NDEL1: variants seen among roughly 807,000 people sequenced by gnomAD.
NDEL1 encodes nuclear distribution protein nudE-like 1.
A neutral mutation model predicts 45.7 loss-of-function variants in NDEL1; 9 were observed. The ratio of observed to expected loss-of-function variants is 0.20; its 90% CI spans 0.12 to 0.34. The LOEUF is 0.34. Ranked by LOEUF, NDEL1 falls within the 10% of genes least tolerant of loss-of-function variation. The pLI is 1.00. For synonymous variants in NDEL1, 133 were observed against 158.6 expected (o/e 0.84, Z 1.21); for missense variants, 306 against 406.2 (o/e 0.75, Z 2.12).
intron 1 of NDEL1, among the ~76,000 whole-genome samples, chr17:8,421,439 C>A (rs976426495): frequency 5.3e-5 from 8 of 152,062 alleles, no homozygotes; most frequent in Non-Finnish European, 1.2e-4. Context: ...TCAGAGAAGG[C>A]AATATGATGA....
upstream of NDEL1, among the ~76,000 whole-genome samples, chr17:8,432,552 T>C (rs1909043891): frequency 2.0e-5 from 3 of 151,136 alleles, no homozygotes; most frequent in Non-Finnish European, 4.4e-5. Flanking sequence ...ACCCAGCTAA[T>C]TTTTTGGATT....
chr17:8,463,209 C>T (rs1911332608), intron 8 of NDEL1: 3 of 733,816 alleles, frequency 4.1e-6, no homozygotes, highest in Admixed American at 5.5e-5. Flanking sequence ...TTTTTGTAAG[C>T]CACTCTGAGT....
chr17:8,439,035 G>A (rs1317719191), intron 1 of NDEL1, among the ~76,000 whole-genome samples: 3 of 150,844 alleles, frequency 2.0e-5, no homozygotes, highest in Non-Finnish European at 4.4e-5. Context: ...TCTGCCTCCC[G>A]GGTTCACGCC....
At position 8,446,766 on chromosome 17, in the gene NDEL1, C is replaced by T. The variant is rs780441418; in HGVS notation, c.253C>T (p.His85Tyr). 1.9e-6 allele frequency: 3 copies of T among 1,613,988 alleles called. No homozygotes were observed. The Admixed American group carries it at 5.0e-5, about 27-fold the overall frequency. Reference sequence around the variant, plus strand: ...CTGATGCCCTCAGGAGAAGCTAGAGCATCAATATGCACAGAGCTATAAGCA... The same window carrying T: ...CTGATGCCCTCAGGAGAAGCTAGAGTATCAATATGCACAGAGCTATAAGCA... ...EVEALKEKLEHQYAQSYKQVS... is the reference protein window; with the variant it reads ...EVEALKEKLEYQYAQSYKQVS... The change falls in exon 4 of 9, where the codon CAT (histidine) becomes TAT (tyrosine). Residue 85 changes from histidine to tyrosine, a missense_variant. Physicochemically the swap from His to Tyr is moderately conservative, Grantham distance 83. Coordinates refer to ENST00000334527, the MANE Select transcript of NDEL1 (RefSeq NM_030808.5).
chr17:8,443,105 T>A (rs1465765180), intron 1 of NDEL1, among the ~76,000 whole-genome samples: 2 of 152,222 alleles, frequency 1.3e-5, no homozygotes, highest in African/African-American at 4.8e-5. Flanking sequence ...AAGCTGGTCT[T>A]GAGTTCTTGC....
At position 8,446,915 on chromosome 17, in the gene NDEL1, C is replaced by A. The variant is rs368946232; in HGVS notation, c.389+13C>A. 2 of 1,611,684 alleles carry A rather than the reference C, an allele frequency of 1.2e-6. No homozygotes were observed. Among genetic ancestry groups the A allele is most frequent in the Admixed American group, 1.7e-5 (1 of 59,694 alleles). On this transcript the variant is annotated intron_variant, in intron 4 of 8. Transcript: ENST00000334527. ...AGCGAGCCAAAAGGTAAACGAATGACTGCATTTTGTTAGAAAAAAACCACC... is the reference window on the plus strand; with the variant it reads ...AGCGAGCCAAAAGGTAAACGAATGAATGCATTTTGTTAGAAAAAAACCACC...
At chr17:8,437,099 G>A (rs1909401342) in intron 1 of NDEL1, among the ~76,000 whole-genome samples, 1 of 152,212 alleles carries the variant, frequency 6.6e-6, no homozygotes, top group Non-Finnish European at 1.5e-5. Flanking sequence ...AAATCTTCCT[G>A]TGAAGCTTGT....
intron 8 of NDEL1, among the ~76,000 whole-genome samples, chr17:8,461,585 A>C (rs1406951854): frequency 2.6e-5 from 4 of 152,180 alleles, no homozygotes; most frequent in African/African-American, 9.7e-5. Flanking sequence ...CCTCGGGTGG[A>C]GTAAACATAA....
intron 1 of NDEL1, among the ~76,000 whole-genome samples, chr17:8,414,836 T>C (rs927839567): frequency 2.0e-5 from 3 of 152,062 alleles, no homozygotes; most frequent in Non-Finnish European, 2.9e-5. Context: ...AGTTTTTAGA[T>C]ACATATCACT....
intron 6 of NDEL1, among the ~76,000 whole-genome samples, chr17:8,452,078 T>C (rs1910538547): frequency 6.6e-6 from 1 of 152,222 alleles, no homozygotes; most frequent in Non-Finnish European, 1.5e-5. Flanking sequence ...GCTGTATGGT[T>C]GTAAGGTGTT....
At chr17:8,463,831 C>T (rs1051129186) in intron 8 of NDEL1, among the ~76,000 whole-genome samples, 74 of 152,200 alleles carry the variant, frequency 4.9e-4, no homozygotes, top group Admixed American at 4.5e-3. Flanking sequence ...TACATGGGGA[C>T]GTGTGTAAGA....
intron 4 of NDEL1, among the ~76,000 whole-genome samples, chr17:8,447,988 G>T (rs1597539264): frequency 6.7e-6 from 1 of 149,980 alleles, no homozygotes; most frequent in African/African-American, 2.4e-5. Flanking sequence ...TGGGCGGGGG[G>T]GGGGCAGTGG....
intron 3 of NDEL1, among the ~76,000 whole-genome samples, chr17:8,446,541 T>G (rs949866206): frequency 6.6e-6 from 1 of 152,240 alleles, no homozygotes. Context: ...GAGATTGTTA[T>G]TGGGTTTCTT....
intron 1 of NDEL1, among the ~76,000 whole-genome samples, chr17:8,419,241 C>A (rs1002290461): frequency 1.3e-5 from 2 of 152,114 alleles, no homozygotes; most frequent in Non-Finnish European, 2.9e-5. Flanking sequence ...TGACGATTTT[C>A]TTCCCTTAGA....
At chr17:8,414,987 A>G (rs1908510317) in intron 1 of NDEL1, among the ~76,000 whole-genome samples, 1 of 152,014 alleles carries the variant, frequency 6.6e-6, no homozygotes, top group Non-Finnish European at 1.5e-5. Flanking sequence ...GCCTCATCCT[A>G]CTGCTCCCTC....
intron 1 of NDEL1, among the ~76,000 whole-genome samples, chr17:8,422,806 G>A (rs1181772132): frequency 1.3e-5 from 2 of 151,208 alleles, no homozygotes; most frequent in African/African-American, 4.9e-5. Context: ...GTGCGATCTC[G>A]GCTCACTGCA....
Position 8,448,555 on chromosome 17 carries a change from C to A in NDEL1, c.395C>A (p.Thr132Lys). The part of the protein sequence containing the change: ...NDDLERAKRA[T>K]IVSLEDFEQR... Reference sequence around the variant, plus strand: ...ACTCTAATTTTTCTTTTTAGGGCAACAATAGTTTCACTGGAAGACTTTGAA... The same window carrying A: ...ACTCTAATTTTTCTTTTTAGGGCAAAAATAGTTTCACTGGAAGACTTTGAA... The change falls in exon 5 of 9, where the codon ACA becomes AAA. Residue 132 changes from threonine to lysine, a missense_variant. Coordinates refer to ENST00000334527, the MANE Select transcript of NDEL1 (RefSeq NM_030808.5). The A allele has an allele frequency of 6.2e-7, 1 of 1,611,908 alleles. No individual in the cohort carries two copies. Among genetic ancestry groups the A allele is most frequent in the South Asian group, 1.1e-5 (1 of 90,974 alleles).
Position 8,467,389 on chromosome 17 carries a change from C to T in NDEL1, c.*366C>T. ...GATAGGATTTAGTTGTGTTTTAGGACATTGCAAATCTTCTAGAAGTTCTCC... is the reference window on the plus strand; with the variant it reads ...GATAGGATTTAGTTGTGTTTTAGGATATTGCAAATCTTCTAGAAGTTCTCC... On this transcript the variant is annotated 3_prime_UTR_variant, in exon 9 of 9. Transcript: ENST00000334527. The surrounding 1 kb of genome is among the most constrained non-coding windows in gnomAD (Gnocchi z 6.3). 2.4e-6 allele frequency: 1 copy of T among 419,916 alleles called. No individual in the cohort carries two copies. The highest frequency in any genetic ancestry group is 4.2e-6 in the Non-Finnish European group (1 of 239,484). 26.0% of individuals were successfully genotyped at this position (419,916 alleles called of 1,614,324 possible). A position where few individuals can be genotyped will look rare whatever the true frequency, so the allele number is the denominator to read the frequency against.
intron 8 of NDEL1, chr17:8,466,663 G>T: frequency 2.2e-6 from 1 of 458,796 alleles, no homozygotes; most frequent in Non-Finnish European, 3.9e-6. Flanking sequence ...GCTTTATGGG[G>T]AAAGAATCAG....
Sources: allele counts gnomAD v4.1 joint callset (sites outside exome capture counted in the v4.1 genomes callset), GRCh38; gene constraint gnomAD v4.1.1; non-coding constraint Gnocchi (gnomAD v3.1); transcripts MANE v1.5; gene names NCBI Gene and HGNC (gene_info 2026-07-23, HGNC 2026-07-21).